The following TECPR1 variants were observed in gnomAD, a reference collection of about 807,000 sequenced individuals.
TECPR1 encodes the protein tectonin beta-propeller repeat containing 1, also known as tectonin beta-propeller repeat-containing protein 1.
TECPR1 carries 122 observed loss-of-function variants against 162.4 expected under a neutral mutation model. The observed-to-expected ratio is 0.75, with a 90% CI of 0.65 to 0.87. The LOEUF (loss-of-function observed/expected upper bound fraction) is 0.87. Among genes scored for constraint, TECPR1 ranks in the 40% least tolerant of loss-of-function variants. The pLI, the probability that TECPR1 is intolerant of heterozygous loss-of-function variation, is 0.00. For missense variants in TECPR1, 1,432 were observed against 1,618.2 expected, an observed-to-expected ratio of 0.88 and a Z score of 1.97; for synonymous variants, 642 against 670.6, an observed-to-expected ratio of 0.96 and a Z score of 0.66.
chr7:98,225,090 C>T lies in TECPR1; in HGVS notation c.2526G>A (p.Thr842=), dbSNP rs370798708. The T allele has an allele frequency of 2.6e-5, 40 of 1,568,274 alleles. No individual in the cohort carries two copies. Among genetic ancestry groups the T allele is most frequent in the South Asian group, 4.7e-5 (4 of 84,958 alleles). Residue 842 remains threonine, a synonymous_variant, in exon 18 of 26, where the codon ACG becomes ACA. Coordinates refer to ENST00000447648, the MANE Select transcript of TECPR1 (RefSeq NM_015395.3). ...AGGCATCGCTCCACATGTACCGGTC[C>T]GTGGGCAGACCCCTGCGGCAGGACA... ...VTGYTSRGLP[T]DRYMWSDASG... is the part of the protein sequence containing the mutation.
intron 20 of TECPR1, 114 bp downstream of exon 20, chr7:98,223,548 G>T: frequency 8.9e-7 from 1 of 1,119,192 alleles, no homozygotes; most frequent in Non-Finnish European, 1.3e-6. Context: ...TCTTCCCTTG[G>T]GACTGAGGTC....
In TECPR1 at chr7:98,222,990, C is replaced by T. The variant is rs759225723; in HGVS notation, c.2928G>A (p.Ala976=). The T allele has an allele frequency of 9.3e-6, 15 of 1,611,448 alleles. No homozygotes were observed. Among genetic ancestry groups the T allele is most frequent in the East Asian group, 6.7e-5 (3 of 44,822 alleles). Reference sequence around the variant, plus strand: ...GAATCTGTCTGGCCCCGGCACTCACCGCAGGGTTGAGCTCCGACACGCCCA... The same window carrying T: ...GAATCTGTCTGGCCCCGGCACTCACTGCAGGGTTGAGCTCCGACACGCCCA... ...CRLGVSELNP[A]GSSWLHVGTD... The change falls in exon 21 of 26, where the codon GCG becomes GCA. Residue 976 remains alanine (A), a splice_region_variant and synonymous_variant. Transcript: ENST00000447648.
At chr7:98,224,226 T>C (rs1053769940) in intron 19 of TECPR1, among the ~76,000 whole-genome samples, 1 of 152,182 alleles carries the variant, frequency 6.6e-6, no homozygotes, top group African/African-American at 2.4e-5. Context: ...CAGCTCAGGC[T>C]GTCCTGGCTC....
rs960564832 is a variant in TECPR1, at chr7:98,217,161, C to A, written c.*229G>T. 4.7e-5 allele frequency: 24 copies of A among 515,730 alleles called. No homozygotes were observed. In the Admixed American group the frequency reaches 8.6e-4, roughly 19 times the overall value. 31.9% of individuals were successfully genotyped at this position (515,730 alleles called of 1,614,324 possible). ...GTGCAGCCCCACCCCATGCCCCACACCCCGGGACTCCTCGCAGACGGGGAC... is the reference window on the plus strand; with the variant it reads ...GTGCAGCCCCACCCCATGCCCCACAACCCGGGACTCCTCGCAGACGGGGAC... On this transcript the variant is annotated 3_prime_UTR_variant, in exon 26 of 26. Coordinates refer to ENST00000447648, the MANE Select transcript of TECPR1 (RefSeq NM_015395.3).
intron 23 of TECPR1, among the ~76,000 whole-genome samples, chr7:98,219,970 C>G (rs1298859537): frequency 6.6e-6 from 1 of 152,032 alleles, no homozygotes; most frequent in Non-Finnish European, 1.5e-5. Context: ...CACTAATCAT[C>G]TGAGAAATGC....
chr7:98,230,782 T>C (rs1466018074), intron 15 of TECPR1, among the ~76,000 whole-genome samples, 179 bp downstream of exon 15: 1 of 152,222 alleles, frequency 6.6e-6, no homozygotes, highest in East Asian at 1.9e-4. Flanking sequence ...TTCCCCCTCT[T>C]GGAGTCTTTG....
At position 98,229,090 on chromosome 7, in the gene TECPR1, C is replaced by A; in HGVS notation, c.2359G>T (p.Asp787Tyr). Reference sequence around the variant, plus strand: ...CCTGTGTATACCCAGGCCGTGTGGTCATAGCCGATGCCCCACACCACGCCC... The same window carrying A: ...CCTGTGTATACCCAGGCCGTGTGGTAATAGCCGATGCCCCACACCACGCCC... ...SRGVVWGIGY[D>Y]HTAWVYTGGY... The change falls in exon 16 of 26, where the codon GAC becomes TAC. Residue 787 changes from aspartate (D) to tyrosine (Y), a missense_variant. Physicochemically the swap from Asp to Tyr is radical, Grantham distance 160. Transcript: ENST00000447648. 1.3e-6 allele frequency: 2 copies of A among 1,586,300 alleles called. No individual in the cohort carries two copies. Among genetic ancestry groups the A allele is most frequent in the Non-Finnish European group, 1.7e-6 (2 of 1,167,186 alleles).
At position 98,226,553 on chromosome 7, in the gene TECPR1, C is replaced by A. The variant is rs188477707; in HGVS notation, c.2514-1451G>T. The A allele has an allele frequency of 2.1e-5, 22 of 1,037,444 alleles. No individual in the cohort carries two copies. The African/African-American group carries it at 3.4e-4, about 16-fold the overall frequency. The allele number at this position is 1,037,444 out of a possible 1,614,324, so 64.3% of individuals were successfully genotyped here. A position where few individuals can be genotyped will look rare whatever the true frequency, so the allele number is the denominator to read the frequency against. ...ACACCCCACATGCTAATTGCAGTTG[C>A]TGTCTTTGGCTGGTGAGATTAGAGT... On this transcript the variant is annotated intron_variant, in intron 17 of 25. Coordinates refer to ENST00000447648, the MANE Select transcript of TECPR1 (RefSeq NM_015395.3).
chr7:98,227,022 A>T (rs1307279626), intron 17 of TECPR1, among the ~76,000 whole-genome samples: 2 of 152,196 alleles, frequency 1.3e-5, no homozygotes, highest in African/African-American at 2.4e-5. Context: ...AAAAAAATTT[A>T]AAACTTTGAA....
chr7:98,229,526 C>G (rs1249442809), intron 15 of TECPR1, among the ~76,000 whole-genome samples: 1 of 152,196 alleles, frequency 6.6e-6, no homozygotes, highest in Non-Finnish European at 1.5e-5. Flanking sequence ...ATGGGCTGGC[C>G]ACAGTGGCAG....
At position 98,217,506 on chromosome 7, in the gene TECPR1, G is replaced by A. The variant is rs1396134612; in HGVS notation, c.3385-3C>T. 6.3e-7 allele frequency: 1 copy of A among 1,597,608 alleles called. No individual in the cohort carries two copies. The highest frequency in any genetic ancestry group is 8.5e-7 in the Non-Finnish European group (1 of 1,172,872). ...ACAGAGATATGGTCCCAGCCTCCCT[G>A]GAAGGAGAGAGCTGTGTCACCAGGG... On this transcript the variant is annotated splice_polypyrimidine_tract_variant and splice_region_variant and intron_variant, in intron 25 of 25. Transcript: ENST00000447648.
At position 98,217,380 on chromosome 7, in the gene TECPR1, T is replaced by TG. The variant is rs768793027; in HGVS notation, c.*9dup. ...GGCACCGTCCCTGCATGTAGGTGTG[T>TG]GGGGGGGCCTCAGCAGCAGACGGGG... is the stretch of plus-strand genomic sequence containing the variant. On this transcript the variant is annotated 3_prime_UTR_variant, in exon 26 of 26. Coordinates refer to ENST00000447648, the MANE Select transcript of TECPR1 (RefSeq NM_015395.3). 3.4e-5 allele frequency: 51 copies of TG among 1,517,168 alleles called. No individual in the cohort carries two copies. The highest frequency in any genetic ancestry group is 1.7e-4 in the Middle Eastern group (1 of 5,812). The allele number at this position is 1,517,168 out of a possible 1,614,324, so 94.0% of individuals were successfully genotyped here. A position where few individuals can be genotyped will look rare whatever the true frequency, so the allele number is the denominator to read the frequency against.
intron 2 of TECPR1, among the ~76,000 whole-genome samples, chr7:98,250,361 C>A (rs1204457210): frequency 2.0e-5 from 3 of 151,922 alleles, no homozygotes; most frequent in Non-Finnish European, 4.4e-5. Flanking sequence ...GGTGCAGTAG[C>A]TCATGCCTGT....
At chr7:98,221,068 G>C (rs1798127885) in intron 23 of TECPR1, among the ~76,000 whole-genome samples, 1 of 151,530 alleles carries the variant, frequency 6.6e-6, no homozygotes, top group South Asian at 2.1e-4. Context: ...TTGGGAGGCC[G>C]AGGTGGGCAG....
intron 2 of TECPR1, among the ~76,000 whole-genome samples, chr7:98,246,678 C>T (rs1798920744): frequency 6.6e-6 from 1 of 151,822 alleles, no homozygotes; most frequent in African/African-American, 2.4e-5. Context: ...CAACCTCCAC[C>T]TCCCAGGTTT....
In TECPR1 at chr7:98,233,493, A is replaced by G. The variant is rs1267654301; in HGVS notation, c.1600T>C (p.Trp534Arg). The G allele has an allele frequency of 2.0e-6, 3 of 1,505,012 alleles. No homozygotes were observed. Among genetic ancestry groups the G allele is most frequent in the Non-Finnish European group, 2.7e-6 (3 of 1,129,648 alleles). 93.2% of individuals were successfully genotyped at this position (1,505,012 alleles called of 1,614,324 possible). A position where few individuals can be genotyped will look rare whatever the true frequency, so the allele number is the denominator to read the frequency against. Reference protein sequence around the residue: ...EPYGVDDHPLWAWVSGGGCVV... With the variant: ...EPYGVDDHPLRAWVSGGGCVV... ...CAGCCGCCTCCCGACACCCAGGCCC[A>G]CAGCGGGTGGTCATCCACCCCATAC... The change falls in exon 11 of 26, where the codon TGG becomes CGG. Residue 534 changes from tryptophan (W) to arginine (R), a missense_variant. Trp to Arg is a moderately radical substitution (Grantham distance 101). Coordinates refer to ENST00000447648, the MANE Select transcript of TECPR1 (RefSeq NM_015395.3).
At chr7:98,235,849 A>AAAAAAAAAAAAAAAAAAACAACAAC in intron 10 of TECPR1, among the ~76,000 whole-genome samples, 1 of 110,254 alleles carries the variant, frequency 9.1e-6, no homozygotes, top group Non-Finnish European at 2.1e-5. Context: ...AAAAAAAAAA[A>AAAAAAAAAAAAAAAAAAACAACAAC]AACACCATCT....
intron 16 of TECPR1, 134 bp downstream of exon 16, chr7:98,228,905 G>A (rs1798347852): frequency 7.7e-7 from 1 of 1,291,012 alleles, no homozygotes; most frequent in Non-Finnish European, 1.0e-6. Context: ...CAGTGGTGAA[G>A]GTCACCTGTC....
At chr7:98,226,483 G>A in intron 17 of TECPR1, 1 of 1,018,302 alleles carries the variant, frequency 9.8e-7, no homozygotes, top group Admixed American at 5.6e-5. Flanking sequence ...CCTGTGCCTG[G>A]CCTTGTCTGC....
Sources: gnomAD v4.1 joint callset for allele counts (sites outside exome capture counted in the v4.1 genomes callset) on GRCh38, gnomAD v4.1.1 for gene constraint, MANE v1.5 for transcripts, NCBI Gene and HGNC (gene_info 2026-07-23, HGNC 2026-07-21) for gene names.